ARHGAP6: variants seen among roughly 807,000 people sequenced by gnomAD.
ARHGAP6 encodes Rho GTPase activating protein 6.
A neutral mutation model predicts 55.7 loss-of-function variants in ARHGAP6; 16 were observed. That is an observed-to-expected ratio of 0.29 (90% CI 0.19 to 0.44). ARHGAP6 has a LOEUF of 0.44. Among genes scored for constraint, ARHGAP6 ranks in the 20% least tolerant of loss-of-function variants. The pLI, the probability that ARHGAP6 is intolerant of heterozygous loss-of-function variation, is 1.00. For missense variants in ARHGAP6, 698 were observed against 808.9 expected (o/e 0.86, Z 1.66); for synonymous variants, 382 against 360.9 (o/e 1.06, Z -0.66).
intron 8 of ARHGAP6, among the ~76,000 whole-genome samples, chrX:11,170,998 G>C (rs1406848102): frequency 9.0e-6 from 1 of 111,263 alleles, no homozygotes; most frequent in African/African-American, 3.3e-5. Flanking sequence ...CCAGCTAAGA[G>C]TCATGTCAGT....
chrX:11,532,725 C>T (rs2051064700), intron 1 of ARHGAP6, among the ~76,000 whole-genome samples: 2 of 112,582 alleles, frequency 1.8e-5, no homozygotes, highest in Non-Finnish European at 3.8e-5. Context: ...GGAATACAGC[C>T]ACACTCATTC....
chrX:11,593,628 A>C (rs2051866266), intron 1 of ARHGAP6, among the ~76,000 whole-genome samples: 1 of 112,328 alleles, frequency 8.9e-6, no homozygotes, highest in African/African-American at 3.2e-5. Context: ...CAGTTGTAAC[A>C]AAGGTATCAC....
Position 11,462,464 on chromosome X carries a change from C to T in ARHGAP6, c.588+201777G>A, listed in dbSNP as rs746361508. 2.7e-5 allele frequency among the ~76,000 whole-genome samples: 3 copies of T among 112,193 alleles called. No homozygotes were observed. The South Asian group carries it at 1.1e-3, about 42-fold the overall frequency. On this transcript the variant is annotated intron_variant, in intron 1 of 12. Coordinates refer to ENST00000337414, the MANE Select transcript of ARHGAP6 (RefSeq NM_013427.3). ...ATGGCGTCCTTGTGTTTCCTCCATC[C>T]CAACTGTCTGAAAACACTTTCCAAA...
At chrX:11,625,850 CAA>C (rs2052292699) in intron 1 of ARHGAP6, among the ~76,000 whole-genome samples, 2 of 111,232 alleles carry the variant, frequency 1.8e-5, no homozygotes, top group African/African-American at 6.5e-5. Flanking sequence ...AAAAAAATTA[CAA>C]AAGAGTCATT....
At chrX:11,626,154 C>A (rs890531566) in intron 1 of ARHGAP6, among the ~76,000 whole-genome samples, 4 of 111,135 alleles carry the variant, frequency 3.6e-5, no homozygotes, top group African/African-American at 1.3e-4. Context: ...TCAAAAAATA[C>A]AAATACAATA....
Position 11,182,091 on chromosome X carries a change from A to G in ARHGAP6, c.1301T>C (p.Val434Ala). The change falls in exon 6 of 13, where the codon GTT (valine) becomes GCT (alanine). Residue 434 changes from valine (V) to alanine (A), a missense_variant. Physicochemically the swap from Val to Ala is moderately conservative, Grantham distance 64. This residue lies in a region of ARHGAP6 where 322 missense variants were observed against 451.1 expected (regional missense o/e 0.71). Transcript: ENST00000337414. ...HGLQTVGIFR[V>A]GSSKKRVRQL... ...TCTCACTCTCTTTTTTGAGCTTCCA[A>G]CTCGGAATATCCCCACTGTCTGGAG... 1 of 1,207,116 alleles carries G rather than the reference A, an allele frequency of 8.3e-7. No individual in the cohort carries two copies. Among genetic ancestry groups the G allele is most frequent in the Non-Finnish European group, 1.1e-6 (1 of 892,518 alleles).
chrX:11,227,571 C>T (rs917806956), intron 2 of ARHGAP6, among the ~76,000 whole-genome samples: 5 of 110,639 alleles, frequency 4.5e-5, no homozygotes, highest in Non-Finnish European at 7.6e-5. Context: ...TAAAATGCTT[C>T]CTAGCCCTTC....
chrX:11,308,104 A>T (rs1007645804), intron 1 of ARHGAP6, among the ~76,000 whole-genome samples: 2 of 112,403 alleles, frequency 1.8e-5, no homozygotes, highest in African/African-American at 6.5e-5. Flanking sequence ...ATGTGGCCTG[A>T]TCATATTGTT....
intron 1 of ARHGAP6, among the ~76,000 whole-genome samples, chrX:11,551,587 A>C (rs913566303): frequency 8.9e-6 from 1 of 111,781 alleles, no homozygotes; most frequent in Non-Finnish European, 1.9e-5. Flanking sequence ...CCTTACCCCC[A>C]CTACTTTGAA....
At chrX:11,230,671 G>T (rs1160378552) in intron 2 of ARHGAP6, among the ~76,000 whole-genome samples, 1 of 109,219 alleles carries the variant, frequency 9.2e-6, no homozygotes. Flanking sequence ...ATATATGTGT[G>T]TGTGTGTATG....
Position 11,139,110 on chromosome X carries a change from G to A in ARHGAP6, c.2678C>T (p.Ala893Val). The change falls in exon 13 of 13, where the codon GCG becomes GTG. Residue 893 changes from alanine (A) to valine (V), a missense_variant. By Grantham distance (64) the Ala-to-Val change is moderately conservative. This residue lies in a region of ARHGAP6 where 212 missense variants were observed against 208.7 expected (regional missense o/e 1.02). Coordinates refer to ENST00000337414, the MANE Select transcript of ARHGAP6 (RefSeq NM_013427.3). ...CGGGGGCCCCTGGATCCAGGCTGCCGCTGCCGCGGGCTTCCCTGGGCCCGG... is the reference window on the plus strand; with the variant it reads ...CGGGGGCCCCTGGATCCAGGCTGCCACTGCCGCGGGCTTCCCTGGGCCCGG... Reference protein sequence around the residue: ...PYPGPGKPAAAAAWIQGPPEG... With the variant: ...PYPGPGKPAAVAAWIQGPPEG... 1 of 1,202,613 alleles carries A rather than the reference G, an allele frequency of 8.3e-7. No individual in the cohort carries two copies. The highest frequency in any genetic ancestry group is 1.1e-6 in the Non-Finnish European group (1 of 891,822).
At chrX:11,149,125 AT>A (rs1038967486) in intron 10 of ARHGAP6, among the ~76,000 whole-genome samples, 12 of 112,203 alleles carry the variant, frequency 1.1e-4, no homozygotes, top group Admixed American at 4.7e-4. Context: ...TTTTCCCCTC[AT>A]TTTTAGTCCT....
chrX:11,246,192 T>C (rs989650959), intron 2 of ARHGAP6, among the ~76,000 whole-genome samples: 1 of 111,226 alleles, frequency 9.0e-6, no homozygotes, highest in Non-Finnish European at 1.9e-5. Context: ...GATATGGTGA[T>C]GGCAAAAATG....
chrX:11,152,558 C>T (rs1352694317), intron 10 of ARHGAP6, among the ~76,000 whole-genome samples: 1 of 111,531 alleles, frequency 9.0e-6, no homozygotes, highest in African/African-American at 3.3e-5. Flanking sequence ...TGCAAGCTCC[C>T]CAAATATCCA....
At chrX:11,523,553 C>G (rs1412487089) in intron 1 of ARHGAP6, among the ~76,000 whole-genome samples, 1 of 111,846 alleles carries the variant, frequency 8.9e-6, no homozygotes, top group Non-Finnish European at 1.9e-5. Context: ...GATACAAAAT[C>G]AATGTGAGAA....
intron 1 of ARHGAP6, among the ~76,000 whole-genome samples, chrX:11,341,323 C>G (rs1389177563): frequency 1.8e-5 from 2 of 111,624 alleles, no homozygotes; most frequent in Non-Finnish European, 3.8e-5. Context: ...GTTCAGTTAA[C>G]TTCCTGTGTT....
At chrX:11,291,212 G>C (rs1205679991) in intron 1 of ARHGAP6, among the ~76,000 whole-genome samples, 1 of 112,157 alleles carries the variant, frequency 8.9e-6, no homozygotes, top group Non-Finnish European at 1.9e-5. Flanking sequence ...ATTAGTGGAA[G>C]AGATTTCAAA....
chrX:11,468,036 AAATG>A (rs1188151362), intron 1 of ARHGAP6, among the ~76,000 whole-genome samples: 2 of 108,554 alleles, frequency 1.8e-5, no homozygotes, highest in Non-Finnish European at 3.8e-5. Context: ...ATAAATAAAT[AAATG>A]GCCAAAGCTA....
intron 1 of ARHGAP6, among the ~76,000 whole-genome samples, chrX:11,452,514 G>A (rs1274001483): frequency 1.8e-5 from 2 of 111,896 alleles, no homozygotes; most frequent in African/African-American, 6.5e-5. Flanking sequence ...CTAATCAGAG[G>A]AATATCCGGA....
Sources: gnomAD v4.1 joint callset for allele counts (sites outside exome capture counted in the v4.1 genomes callset) on GRCh38, gnomAD v4.1.1 for gene constraint, gnomAD v4.1.1 regional missense constraint, MANE v1.5 for transcripts, NCBI Gene and HGNC (gene_info 2026-07-23, HGNC 2026-07-21) for gene names.